The following SPATA6L variants were observed in gnomAD, a reference collection of about 807,000 sequenced individuals.
SPATA6L encodes spermatogenesis associated 6-like protein.
SPATA6L carries 68 observed loss-of-function variants against 49.2 expected under a neutral mutation model. The ratio of observed to expected loss-of-function variants is 1.38; its 90% CI spans 1.14 to 1.69. The LOEUF (loss-of-function observed/expected upper bound fraction) is 1.69, where lower values mean the gene tolerates loss of function less well. Ranked by LOEUF, SPATA6L falls within the 40% of genes most tolerant of loss-of-function variation. The probability of loss-of-function intolerance (pLI) is 0.00; values close to 1 mark genes in which losing one functional copy is unlikely to be tolerated. For synonymous variants in SPATA6L, 198 were observed against 165.7 expected (o/e 1.19, Z -1.50); for missense variants, 668 against 464.3 (o/e 1.44, Z -4.03).
intron 11 of SPATA6L, 54 bp from the exon 12 acceptor site, chr9:4,600,863 A>G (rs961205970): frequency 1.3e-5 from 2 of 152,230 alleles, no homozygotes; most frequent in Non-Finnish European, 1.5e-5. Context: ...AAAGGCAAAC[A>G]ATCAATACAA....
At chr9:4,609,786 T>C (rs997328225) in intron 9 of SPATA6L, among the ~76,000 whole-genome samples, 1 of 151,570 alleles carries the variant, frequency 6.6e-6, no homozygotes, top group Non-Finnish European at 1.5e-5. Context: ...GTGTTGGAAG[T>C]TCTGGCCAGG....
intron 9 of SPATA6L, among the ~76,000 whole-genome samples, chr9:4,613,732 A>C (rs1193898345): frequency 6.6e-6 from 1 of 152,024 alleles, no homozygotes; most frequent in South Asian, 2.1e-4. Flanking sequence ...TACAGGTATA[A>C]GCCACCAAGC....
intron 9 of SPATA6L, among the ~76,000 whole-genome samples, chr9:4,614,299 T>C (rs993773889): frequency 2.6e-5 from 4 of 152,360 alleles, no homozygotes; most frequent in Admixed American, 2.6e-4. Context: ...CATTAAAACC[T>C]TGGGTTGACT....
chr9:4,656,387 C>T (rs770516826), intron 2 of SPATA6L, among the ~76,000 whole-genome samples: 21 of 150,512 alleles, frequency 1.4e-4, no homozygotes, highest in East Asian at 2.0e-4. Context: ...TGCAGGGAGC[C>T]GAGATGGCAT....
Position 4,605,376 on chromosome 9 carries a change from A to T in SPATA6L, c.1060T>A (p.Ser354Thr). 1 of 1,614,126 alleles carries T rather than the reference A, an allele frequency of 6.2e-7. No homozygotes were observed. The highest frequency in any genetic ancestry group is 1.1e-5 in the South Asian group (1 of 91,090). ...IHERVCSLLT[S>T]HRAQLHQNKE... Reference sequence around the variant, plus strand: ...TTTTGGTGCAGCTGTGCTCTGTGGGATGTCAGAAGACTGCATACCCTCTCA... The same window carrying T: ...TTTTGGTGCAGCTGTGCTCTGTGGGTTGTCAGAAGACTGCATACCCTCTCA... Residue 354 changes from serine to threonine, a missense_variant, in exon 10 of 12, where the codon TCC (serine) becomes ACC (threonine). Ser to Thr is a moderately conservative substitution (Grantham distance 58). Coordinates refer to ENST00000682582, the MANE Select transcript of SPATA6L (RefSeq NM_001353486.2).
Position 4,662,777 on chromosome 9 carries a change from G to T in SPATA6L, c.40-741C>A. The T allele has an allele frequency of 6.2e-7, 1 of 1,605,252 alleles. No individual in the cohort carries two copies. The highest frequency in any genetic ancestry group is 1.3e-5 in the African/African-American group (1 of 75,056). On this transcript the variant is annotated intron_variant, in intron 1 of 11. Coordinates refer to ENST00000682582, the MANE Select transcript of SPATA6L (RefSeq NM_001353486.2). This position sits in a 1 kb window ranked among gnomAD's most constrained non-coding sequence, Gnocchi z 4.9. Reference sequence around the variant, plus strand: ...CGTGGGGCAGCGTGCGACCCCTTATGAAGCTGCTGGAGATCTCGGGACACG... The same window carrying T: ...CGTGGGGCAGCGTGCGACCCCTTATTAAGCTGCTGGAGATCTCGGGACACG...
At position 4,606,553 on chromosome 9, in the gene SPATA6L, G is replaced by T. The variant is rs371310159; in HGVS notation, c.996-1113C>A. On this transcript the variant is annotated intron_variant, in intron 9 of 11. Coordinates refer to ENST00000682582, the MANE Select transcript of SPATA6L (RefSeq NM_001353486.2). ...GCAGGGGCACACTGACACCTCACACGGCCGGGTACTCCAACAGACCTGCAG... is the reference window on the plus strand; with the variant it reads ...GCAGGGGCACACTGACACCTCACACTGCCGGGTACTCCAACAGACCTGCAG... Among the ~76,000 whole-genome samples, 11 of 36,742 alleles carry T rather than the reference G, an allele frequency of 3.0e-4. 3 individuals are homozygous for T. The highest frequency in any genetic ancestry group is 2.5e-3 in the East Asian group (5 of 1,976). 24.1% of individuals were successfully genotyped at this position (36,742 alleles called of 152,430 possible).
At position 4,661,917 on chromosome 9, in the gene SPATA6L, C is replaced by T; in HGVS notation, c.159G>A (p.Glu53=). The T allele has an allele frequency of 1.9e-6, 3 of 1,613,834 alleles. No individual in the cohort carries two copies. The highest frequency in any genetic ancestry group is 2.2e-5 in the South Asian group (2 of 91,032). ...FPSAFPIMIQ[E]SMRFEKVFES... is the part of the protein sequence containing the mutation. ...AGATCACCTTTTCAAATCTCATGCT[C>T]TCCTGAATCATAATGGGGAACGCAG... Residue 53 remains glutamate (E), a synonymous_variant, in exon 2 of 12, where the codon GAG becomes GAA. Coordinates refer to ENST00000682582, the MANE Select transcript of SPATA6L (RefSeq NM_001353486.2).
chr9:4,662,881 T>A lies in SPATA6L; in HGVS notation c.40-845A>T. The A allele has an allele frequency of 6.2e-7, 1 of 1,606,660 alleles. No homozygotes were observed. Among genetic ancestry groups the A allele is most frequent in the East Asian group, 2.2e-5 (1 of 44,848 alleles). ...GCCGGGCGCGAGGTGCTGATGAACC[T>A]GCTCTTCGCCCTGCTGTTGGACCTG... On this transcript the variant is annotated intron_variant, in intron 1 of 11. Transcript: ENST00000682582. This position sits in a 1 kb window ranked among gnomAD's most constrained non-coding sequence, Gnocchi z 4.9.
At chr9:4,597,295 T>A (rs1362060306), downstream of SPATA6L, among the ~76,000 whole-genome samples, 1 of 150,660 alleles carries the variant, frequency 6.6e-6, no homozygotes, top group East Asian at 2.0e-4. Flanking sequence ...CTATTTTTTA[T>A]ATATATAAAA....
intron 3 of SPATA6L, among the ~76,000 whole-genome samples, chr9:4,644,104 T>C (rs1834686671): frequency 7.0e-6 from 1 of 142,260 alleles, no homozygotes; most frequent in Admixed American, 7.8e-5. Flanking sequence ...CCCAGCACTT[T>C]GGGTGGCCAA....
At chr9:4,627,807 C>A in intron 5 of SPATA6L, 1 of 1,289,240 alleles carries the variant, frequency 7.8e-7, no homozygotes, top group Non-Finnish European at 1.0e-6. Flanking sequence ...AGAAAGGTGG[C>A]CCCATGTTTA....
In SPATA6L at chr9:4,625,495, C is replaced by G. The variant is rs1264304849; in HGVS notation, c.501G>C (p.Lys167Asn). The change falls in exon 6 of 12, where the codon AAG becomes AAC. Residue 167 changes from lysine (K) to asparagine (N), a missense_variant. Physicochemically the swap from Lys to Asn is moderately conservative, Grantham distance 94. Transcript: ENST00000682582. ...HEPIFPLNTI[K>N]MKLKENNLNR... ...TGAGATTATTCTCCTTTAGTTTCAT[C>G]TTTATAGTATTTAAGGGAAATATTG... 1.3e-5 allele frequency: 21 copies of G among 1,613,678 alleles called. No homozygotes were observed. Among genetic ancestry groups the G allele is most frequent in the Non-Finnish European group, 1.6e-5 (19 of 1,179,914 alleles).
intron 3 of SPATA6L, among the ~76,000 whole-genome samples, chr9:4,655,749 C>G (rs1837993853): frequency 6.6e-6 from 1 of 152,090 alleles, no homozygotes; most frequent in South Asian, 2.1e-4. Flanking sequence ...TGGGGTTTCA[C>G]CATGCTGACC....
intron 3 of SPATA6L, among the ~76,000 whole-genome samples, chr9:4,635,747 G>A (rs12353508): frequency 0.15 from 22,103 of 152,110 alleles, 2,586 homozygotes; most frequent in East Asian, 0.33. Flanking sequence ...CAGGAACAAG[G>A]TGGACATAGC....
intron 3 of SPATA6L, among the ~76,000 whole-genome samples, chr9:4,641,571 A>G (rs1374996350): frequency 6.6e-6 from 1 of 152,190 alleles, no homozygotes; most frequent in Non-Finnish European, 1.5e-5. Context: ...AAAAGTCTGT[A>G]CATGTTCAGT....
intron 9 of SPATA6L, 83 bp from the exon 10 acceptor site, chr9:4,605,523 T>C (rs1033982882): frequency 1.1e-6 from 1 of 883,162 alleles, no homozygotes; most frequent in Non-Finnish European, 1.8e-6. Context: ...GGATTGATAT[T>C]TAAAACTTAA....
rs542631049 is a variant in SPATA6L, at chr9:4,663,385, A to T, written c.40-1349T>A. ...CATTTCAGGCTTCCTTTGGGATTTC[A>T]GGTGTCCCATGATCTTGATGTGCTG... On this transcript the variant is annotated intron_variant, in intron 1 of 11. Coordinates refer to ENST00000682582, the MANE Select transcript of SPATA6L (RefSeq NM_001353486.2). The T allele has an allele frequency of 1.3e-5, 13 of 1,024,250 alleles. No homozygotes were observed. In the East Asian group the frequency reaches 2.9e-4, roughly 23 times the overall value. The allele number at this position is 1,024,250 out of a possible 1,614,324, so 63.4% of individuals were successfully genotyped here.
intron 9 of SPATA6L, among the ~76,000 whole-genome samples, chr9:4,606,011 G>C (rs1039963525): frequency 1.3e-5 from 2 of 152,120 alleles, no homozygotes; most frequent in Admixed American, 1.3e-4. Context: ...AGCGCAAGGG[G>C]TCAGGCAGTT....
Sources: gnomAD v4.1 joint callset for allele counts (sites outside exome capture counted in the v4.1 genomes callset) on GRCh38, gnomAD v4.1.1 for gene constraint, Gnocchi (gnomAD v3.1) non-coding constraint, MANE v1.5 for transcripts, NCBI Gene and HGNC (gene_info 2026-07-23, HGNC 2026-07-21) for gene names.